The following CHRM2 variants were observed in gnomAD, a reference collection of about 807,000 sequenced individuals.
The protein encoded by CHRM2 is cholinergic receptor muscarinic 2.
CHRM2 carries 8 observed loss-of-function variants against 25.0 expected under a neutral mutation model. That is an observed-to-expected ratio of 0.32 (90% CI 0.19 to 0.58). CHRM2 has a LOEUF of 0.58. Among genes scored for constraint, CHRM2 ranks in the 20% least tolerant of loss-of-function variants. CHRM2 has a pLI of 0.88. For synonymous variants in CHRM2, 202 were observed against 205.7 expected (o/e 0.98, Z 0.15); for missense variants, 440 against 567.1 (o/e 0.78, Z 2.28).
chr7:137,006,652 A>G (rs1032875638), intron 3 of CHRM2, among the ~76,000 whole-genome samples: 1 of 150,920 alleles, frequency 6.6e-6, no homozygotes, highest in African/African-American at 2.4e-5. Context: ...TTTCTTTTAC[A>G]TTTTTTTTTC....
chr7:136,996,288 T>C lies in CHRM2; in HGVS notation c.-47+4024T>C, dbSNP rs774670376. On this transcript the variant is annotated intron_variant, in intron 3 of 3. Coordinates refer to ENST00000680005, the MANE Select transcript of CHRM2 (RefSeq NM_001006630.2). ...ATGATATCACAAAAATAAGTATCAA[T>C]AGATATAACACATGTAAAAACATCT... Among the ~76,000 whole-genome samples, 18 of 152,152 alleles carry C rather than the reference T, an allele frequency of 1.2e-4. No homozygotes were observed. In the Middle Eastern group the frequency reaches 0.017, roughly 144 times the overall value.
chr7:136,892,892 A>G (rs567439595), intron 2 of CHRM2, among the ~76,000 whole-genome samples: 1 of 151,890 alleles, frequency 6.6e-6, no homozygotes, highest in East Asian at 1.9e-4. Flanking sequence ...CTGGTCTCGA[A>G]CTCCTGACCT....
chr7:136,994,427 C>T (rs1160407315), intron 3 of CHRM2, among the ~76,000 whole-genome samples: 1 of 151,280 alleles, frequency 6.6e-6, no homozygotes, highest in African/African-American at 2.4e-5. Context: ...GGCCACACTA[C>T]ATAAGCCACA....
chr7:136,924,512 T>C (rs1798632409), intron 2 of CHRM2, among the ~76,000 whole-genome samples: 1 of 152,130 alleles, frequency 6.6e-6, no homozygotes, highest in African/African-American at 2.4e-5. Context: ...GTTTCCAGCT[T>C]CATCCATACA....
chr7:136,997,062 G>A (rs1803653913), intron 3 of CHRM2, among the ~76,000 whole-genome samples: 1 of 152,124 alleles, frequency 6.6e-6, no homozygotes, highest in South Asian at 2.1e-4. Context: ...CCCCTCCAAG[G>A]ACTACCAGCT....
rs951189722 is a variant in CHRM2 at position 136,984,145 on chromosome 7, G to A, written c.-124-8042G>A. Reference sequence around the variant, plus strand: ...TTTCAGAGATGCTGTGTCCAGAGAGGAGGAATCTAGAGAGGCAGTCTGGCT... The same window carrying A: ...TTTCAGAGATGCTGTGTCCAGAGAGAAGGAATCTAGAGAGGCAGTCTGGCT... On this transcript the variant is annotated intron_variant, in intron 2 of 3. Transcript: ENST00000680005. 2.0e-5 allele frequency among the ~76,000 whole-genome samples: 3 copies of A among 152,304 alleles called. No individual in the cohort carries two copies. In the East Asian group the frequency reaches 5.8e-4, roughly 29 times the overall value.
At chr7:137,006,585 T>C (rs1804442377) in intron 3 of CHRM2, among the ~76,000 whole-genome samples, 1 of 152,126 alleles carries the variant, frequency 6.6e-6, no homozygotes, top group Non-Finnish European at 1.5e-5. Flanking sequence ...TCTCTTCTAT[T>C]TGTACTGATG....
intron 2 of CHRM2, among the ~76,000 whole-genome samples, chr7:136,917,824 G>A (rs192422503): frequency 6.6e-6 from 1 of 152,110 alleles, no homozygotes; most frequent in East Asian, 1.9e-4. Context: ...AGGCTTATTA[G>A]GGTAAAGGAG....
intron 3 of CHRM2, among the ~76,000 whole-genome samples, chr7:137,013,160 T>C (rs1020813074): frequency 3.0e-4 from 46 of 152,124 alleles, no homozygotes; most frequent in African/African-American, 1.1e-3. Context: ...ACAAATATTG[T>C]TTCTCAATTG....
chr7:137,000,954 T>C (rs1803995356), intron 3 of CHRM2, among the ~76,000 whole-genome samples: 1 of 152,230 alleles, frequency 6.6e-6, no homozygotes, highest in African/African-American at 2.4e-5. Context: ...AAGGAATGTG[T>C]GGTTCATACT....
intron 2 of CHRM2, among the ~76,000 whole-genome samples, chr7:136,952,380 A>G (rs1800464502): frequency 6.6e-6 from 1 of 152,026 alleles, no homozygotes; most frequent in Non-Finnish European, 1.5e-5. Context: ...TTATAGACTT[A>G]TTTAAAGCGT....
chr7:137,014,824 A>T lies in CHRM2; in HGVS notation c.-42A>T. On this transcript the variant is annotated 5_prime_UTR_variant, in exon 4 of 4. It removes the in-frame stop codon of an upstream open reading frame in the 5' UTR. Transcript: ENST00000680005. Reference sequence around the variant, plus strand: ...TTTTATTCTATTTCCTTGCAGGTTTAAATGTTTATTTGCTACTTGGCTACT... The same window carrying T: ...TTTTATTCTATTTCCTTGCAGGTTTTAATGTTTATTTGCTACTTGGCTACT... 1 of 1,512,104 alleles carries T rather than the reference A, an allele frequency of 6.6e-7. No homozygotes were observed. The highest frequency in any genetic ancestry group is 1.1e-5 in the South Asian group (1 of 88,792). 93.7% of individuals were successfully genotyped at this position (1,512,104 alleles called of 1,614,324 possible).
chr7:136,925,850 G>A (rs1798716193), intron 2 of CHRM2, among the ~76,000 whole-genome samples: 1 of 152,198 alleles, frequency 6.6e-6, no homozygotes, highest in African/African-American at 2.4e-5. Flanking sequence ...CTTGCCAGAT[G>A]TAAATACACC....
intron 2 of CHRM2, among the ~76,000 whole-genome samples, chr7:136,887,150 T>C (rs1796500324): frequency 6.6e-6 from 1 of 152,236 alleles, no homozygotes; most frequent in South Asian, 2.1e-4. Context: ...ACTGCATAAC[T>C]CTGTGAGATG....
chr7:136,905,487 TAACTA>T (rs1384137005), intron 2 of CHRM2, among the ~76,000 whole-genome samples: 1 of 151,764 alleles, frequency 6.6e-6, no homozygotes, highest in African/African-American at 2.4e-5. Flanking sequence ...ATTTTATACA[TAACTA>T]AACTATTTTT....
intron 2 of CHRM2, among the ~76,000 whole-genome samples, chr7:136,895,830 T>G (rs1385094482): frequency 6.6e-6 from 1 of 152,146 alleles, no homozygotes; most frequent in African/African-American, 2.4e-5. Context: ...GTATGTAAAA[T>G]TTGATGCTTC....
chr7:136,987,651 G>A (rs1802946600), intron 2 of CHRM2, among the ~76,000 whole-genome samples: 2 of 152,200 alleles, frequency 1.3e-5, no homozygotes, highest in Non-Finnish European at 2.9e-5. Flanking sequence ...GATCAGGGTA[G>A]GGCAAATGAC....
At chr7:137,002,364 ATCTC>A (rs1189468587) in intron 3 of CHRM2, among the ~76,000 whole-genome samples, 16 of 152,290 alleles carry the variant, frequency 1.1e-4, no homozygotes, top group Middle Eastern at 3.4e-3. Flanking sequence ...TCAACAATAC[ATCTC>A]TCTCTTAGTT....
chr7:136,949,046 A>T (rs1800233712), intron 2 of CHRM2, among the ~76,000 whole-genome samples: 1 of 152,204 alleles, frequency 6.6e-6, no homozygotes, highest in South Asian at 2.1e-4. Context: ...AGAACAGCAA[A>T]CCAAATATGT....
Sources: gnomAD v4.1 joint callset for allele counts (sites outside exome capture counted in the v4.1 genomes callset) on GRCh38, gnomAD v4.1.1 for gene constraint, MANE v1.5 for transcripts, NCBI Gene and HGNC (gene_info 2026-07-23, HGNC 2026-07-21) for gene names.